The following HLTF variants were observed in gnomAD, a reference collection of about 807,000 sequenced individuals.
HLTF encodes the protein helicase like transcription factor, also known as DNA-dependent ATPase/E3 ubiquitin-protein ligase HLTF.
A neutral mutation model predicts 129.4 loss-of-function variants in HLTF; 127 were observed. The observed-to-expected ratio is 0.98, with a 90% confidence interval of 0.85 to 1.14. The LOEUF (loss-of-function observed/expected upper bound fraction) is 1.14, where lower values mean the gene tolerates loss of function less well. HLTF is among the 50% of genes most tolerant of loss of function. HLTF has a pLI of 0.00. For missense variants in HLTF, 1,139 were observed against 1,187.1 expected, an observed-to-expected ratio of 0.96 and a Z score of 0.60; for synonymous variants, 332 against 388.8, an observed-to-expected ratio of 0.85 and a Z score of 1.72.
chr3:149,073,223 A>G lies in HLTF; in HGVS notation c.627+2T>C. The G allele has an allele frequency of 6.3e-7, 1 of 1,575,222 alleles. No individual in the cohort carries two copies. The highest frequency in any genetic ancestry group is 1.2e-5 in the South Asian group (1 of 83,548). On this transcript the variant is annotated splice_donor_variant, in intron 5 of 24. Transcript: ENST00000310053. LOFTEE classifies it high-confidence loss of function. ...AGATTACAAAATAAAAGAGAAGCACACCTGTTCAGTTGTCATCTGTACTGC... is the reference window on the plus strand; with the variant it reads ...AGATTACAAAATAAAAGAGAAGCACGCCTGTTCAGTTGTCATCTGTACTGC...
intron 2 of HLTF, among the ~76,000 whole-genome samples, chr3:149,078,869 A>T (rs924463087): frequency 9.9e-5 from 15 of 152,154 alleles, no homozygotes; most frequent in Non-Finnish European, 1.8e-4. Context: ...AAAAAAAAAA[A>T]AATAAGTTCA....
chr3:149,065,153 A>C (rs1295268558), intron 8 of HLTF, among the ~76,000 whole-genome samples: 1 of 152,162 alleles, frequency 6.6e-6, no homozygotes, highest in Non-Finnish European at 1.5e-5. Flanking sequence ...ATGACACATT[A>C]TTGTGAGAAA....
intron 9 of HLTF, 62 bp downstream of exon 9, chr3:149,064,729 G>A (rs1168401794): frequency 9.9e-7 from 1 of 1,008,480 alleles, no homozygotes. Flanking sequence ...TCAAATATTG[G>A]GTCATATTCA....
At chr3:149,052,324 A>G (rs1317034830) in intron 14 of HLTF, among the ~76,000 whole-genome samples, 1 of 152,102 alleles carries the variant, frequency 6.6e-6, no homozygotes, top group African/African-American at 2.4e-5. Context: ...GACAGATTTA[A>G]TAGGAACCAG....
At chr3:149,053,276 G>A (rs1337050812) in intron 14 of HLTF, among the ~76,000 whole-genome samples, 1 of 152,224 alleles carries the variant, frequency 6.6e-6, no homozygotes, top group Non-Finnish European at 1.5e-5. Context: ...GCCTGGAGGT[G>A]GAAGGTGTAT....
chr3:149,079,884 C>G (rs1348779947), intron 2 of HLTF, among the ~76,000 whole-genome samples: 1 of 152,198 alleles, frequency 6.6e-6, no homozygotes, highest in Non-Finnish European at 1.5e-5. Context: ...AGCCACCATG[C>G]CCCATGCCCA....
intron 7 of HLTF, among the ~76,000 whole-genome samples, chr3:149,070,461 A>G (rs1244318904): frequency 6.6e-6 from 1 of 152,232 alleles, no homozygotes; most frequent in Non-Finnish European, 1.5e-5. Context: ...TTAACAAGCA[A>G]TGAGTTTGTA....
chr3:149,041,998 A>G, intron 19 of HLTF, 168 bp downstream of exon 19: 1 of 627,080 alleles, frequency 1.6e-6, no homozygotes, highest in Non-Finnish European at 2.8e-6. Flanking sequence ...ATTCCATTTC[A>G]TTGGTAAAAA....
In HLTF at chr3:149,042,305, G is replaced by T. The variant is rs996783561; in HGVS notation, c.2073-15C>A. On this transcript the variant is annotated splice_polypyrimidine_tract_variant and intron_variant, in intron 18 of 24. Coordinates refer to ENST00000310053, the MANE Select transcript of HLTF (RefSeq NM_003071.4). The stretch of plus-strand genomic sequence containing the variant: ...CATTAAAATACCTAGAGATTAAAAT[G>T]TCAAATATTATTAAGTCCGCTAAAC... 6.3e-7 allele frequency: 1 copy of T among 1,593,950 alleles called. No homozygotes were observed. Among genetic ancestry groups the T allele is most frequent in the East Asian group, 2.2e-5 (1 of 44,604 alleles).
In HLTF at chr3:149,085,818, G is replaced by T. The variant is rs550907461; in HGVS notation, c.20+499C>A. Among the ~76,000 whole-genome samples, 38 of 152,272 alleles carry T rather than the reference G, an allele frequency of 2.5e-4. No individual in the cohort carries two copies. The South Asian group carries it at 7.1e-3, about 28-fold the overall frequency. ...AATGAAAAGTGAAGGGGAGTCTACT[G>T]GAGCATTGCAAAAAGTTTCCATTCT... On this transcript the variant is annotated intron_variant, in intron 1 of 24. Transcript: ENST00000310053.
At chr3:149,033,883 A>C (rs911749754) in intron 24 of HLTF, among the ~76,000 whole-genome samples, 6 of 152,230 alleles carry the variant, frequency 3.9e-5, no homozygotes, top group Middle Eastern at 6.8e-3. Flanking sequence ...AAATCATAAA[A>C]ATTTTAAAGC....
At chr3:149,075,822 C>A in intron 3 of HLTF, 59 bp downstream of exon 3, 1 of 1,199,378 alleles carries the variant, frequency 8.3e-7, no homozygotes, top group South Asian at 1.6e-5. Flanking sequence ...GAAGCCCTAA[C>A]AAGTTCAAAG....
chr3:149,047,902 G>T, intron 17 of HLTF, 126 bp downstream of exon 17: 1 of 658,698 alleles, frequency 1.5e-6, no homozygotes, highest in Non-Finnish European at 2.4e-6. Flanking sequence ...CAAAGGTACT[G>T]AGCCATAAAC....
intron 2 of HLTF, among the ~76,000 whole-genome samples, chr3:149,077,991 C>CA (rs2108062922): frequency 6.6e-6 from 1 of 152,020 alleles, no homozygotes; most frequent in East Asian, 1.9e-4. Flanking sequence ...ACACTAATTA[C>CA]AAAACTCAGC....
In HLTF at chr3:149,048,097, A is replaced by T; in HGVS notation, c.1823T>A (p.Phe608Tyr). 1 of 1,613,114 alleles carries T rather than the reference A, an allele frequency of 6.2e-7. No individual in the cohort carries two copies. Among genetic ancestry groups the T allele is most frequent in the Non-Finnish European group, 8.5e-7 (1 of 1,179,418 alleles). ...SLLSFLKLKP[F>Y]IDREWWHRTI... is the part of the protein sequence containing the mutation. ...TCTATGCCACCATTCTCTATCAATA[A>T]ATGGTTTAAGTTTTAAAAAGGAAAG... The change falls in exon 17 of 25, where the codon TTT becomes TAT. Residue 608 changes from phenylalanine (F) to tyrosine (Y), a missense_variant. Phe to Tyr is a conservative substitution (Grantham distance 22). Transcript: ENST00000310053.
At chr3:149,057,845 T>C (rs1006111893) in intron 13 of HLTF, among the ~76,000 whole-genome samples, 2 of 152,224 alleles carry the variant, frequency 1.3e-5, no homozygotes, top group African/African-American at 2.4e-5. Context: ...GGACAACATG[T>C]ACATTATTTC....
Position 149,032,271 on chromosome 3 carries a change from G to A in HLTF, c.2979C>T (p.Asp993=), listed in dbSNP as rs548576604. ...GAFGTKKPNA[D]EMKQAKINEI... ...CATTAATTTTGGCTTGTTTCATTTC[G>A]TCAGCATTTGGTTTTTTAGTTCCAA... Residue 993 remains aspartate (D), a synonymous_variant, in exon 25 of 25, where the codon GAC becomes GAT. Transcript: ENST00000310053. The A allele has an allele frequency of 9.1e-5, 145 of 1,593,244 alleles. 2 individuals are homozygous for A. The South Asian group carries it at 1.3e-3, about 14-fold the overall frequency.
chr3:149,037,437 C>T (rs1204573466), intron 23 of HLTF, among the ~76,000 whole-genome samples: 1 of 142,564 alleles, frequency 7.0e-6, no homozygotes, highest in Non-Finnish European at 1.5e-5. Flanking sequence ...CACCACACTC[C>T]AGCATGGGCG....
chr3:149,084,262 A>C (rs1324444730), intron 2 of HLTF, among the ~76,000 whole-genome samples: 1 of 152,230 alleles, frequency 6.6e-6, no homozygotes, highest in East Asian at 1.9e-4. Flanking sequence ...AATCCAGAAC[A>C]TGAAACTCCT....
Sources: allele counts gnomAD v4.1 joint callset (sites outside exome capture counted in the v4.1 genomes callset), GRCh38; gene constraint gnomAD v4.1.1; transcripts MANE v1.5; gene names NCBI Gene and HGNC (gene_info 2026-07-23, HGNC 2026-07-21).